The following SNAP91 variants were observed in gnomAD, a reference collection of about 807,000 sequenced individuals.
The protein encoded by SNAP91 is synaptosome associated protein 91.
SNAP91 carries 27 observed loss-of-function variants against 100.3 expected under a neutral mutation model. The ratio of observed to expected loss-of-function variants is 0.27; its 90% confidence interval spans 0.20 to 0.37. The LOEUF is 0.37. SNAP91 is among the 10% of genes least tolerant of loss of function. The pLI is 1.00. For missense variants in SNAP91, 986 were observed against 1,123.7 expected, an observed-to-expected ratio of 0.88 and a Z score of 1.75; for synonymous variants, 404 against 398.6, an observed-to-expected ratio of 1.01 and a Z score of -0.16.
Position 83,601,389 on chromosome 6 carries a change from A to T in SNAP91, c.1206T>A (p.Asp402Glu). 1 of 1,613,616 alleles carries T rather than the reference A, an allele frequency of 6.2e-7. No individual in the cohort carries two copies. The highest frequency in any genetic ancestry group is 1.1e-5 in the South Asian group (1 of 91,044). The stretch of plus-strand genomic sequence containing the variant: ...GAGGGGTAGGTTCTGGTGCAAATGG[A>T]TCTGAAATCTGTGCTTCAGAGGGAA... Reference protein sequence around the residue: ...SSVPSEAQISDPFAPEPTPPT... With the variant: ...SSVPSEAQISEPFAPEPTPPT... Residue 402 changes from aspartate to glutamate, a missense_variant, in exon 16 of 30, where the codon GAT (aspartate) becomes GAA (glutamate). Transcript: ENST00000369694.
At chr6:83,586,064 G>A (rs1205056176) in intron 22 of SNAP91, among the ~76,000 whole-genome samples, 1 of 151,976 alleles carries the variant, frequency 6.6e-6, no homozygotes, top group African/African-American at 2.4e-5. Context: ...TGGCCAGGAT[G>A]GTCTCGATCT....
intron 14 of SNAP91, among the ~76,000 whole-genome samples, chr6:83,603,485 C>A (rs961157824): frequency 1.3e-5 from 2 of 152,014 alleles, no homozygotes; most frequent in African/African-American, 4.8e-5. Flanking sequence ...TCATCTCAGC[C>A]TCCTCAGAAG....
intron 7 of SNAP91, among the ~76,000 whole-genome samples, chr6:83,650,792 T>A (rs2098169192): frequency 6.6e-6 from 1 of 152,206 alleles, no homozygotes; most frequent in African/African-American, 2.4e-5. Flanking sequence ...TTAAGAAGAA[T>A]CTTCTCTATT....
intron 2 of SNAP91, among the ~76,000 whole-genome samples, chr6:83,682,686 A>C (rs2099007025): frequency 6.6e-6 from 1 of 151,006 alleles, no homozygotes; most frequent in African/African-American, 2.4e-5. Context: ...GCACCCATTA[A>C]CTCGTCATTT....
chr6:83,610,714 T>A (rs759523357), intron 11 of SNAP91, 37 bp from the exon 12 acceptor site: 6 of 131,450 alleles, frequency 4.6e-5, no homozygotes, highest in East Asian at 3.1e-4. Flanking sequence ...AAACTGAATA[T>A]ATATATATAT....
At chr6:83,612,198 T>C (rs1281079753) in intron 11 of SNAP91, among the ~76,000 whole-genome samples, 3 of 152,158 alleles carry the variant, frequency 2.0e-5, no homozygotes, top group Non-Finnish European at 4.4e-5. Flanking sequence ...CTAAATGTTA[T>C]CTTAAGAGTA....
At chr6:83,614,589 CT>C (rs2128337095) in intron 11 of SNAP91, among the ~76,000 whole-genome samples, 1 of 152,004 alleles carries the variant, frequency 6.6e-6, no homozygotes, top group South Asian at 2.1e-4. Flanking sequence ...TATTTCATTT[CT>C]AAAATCTGAG....
At position 83,580,075 on chromosome 6, in the gene SNAP91, T is replaced by C. The variant is rs139124003; in HGVS notation, c.2299+375A>G. On this transcript the variant is annotated intron_variant, in intron 24 of 29. Transcript: ENST00000369694. ...AACAAATGACTGAAACTCAGTTGGA[T>C]ACTCAATTTATAAAGATACTATACT... is the stretch of plus-strand genomic sequence containing the variant. Among the ~76,000 whole-genome samples the C allele has an allele frequency of 3.3e-5, 5 of 152,308 alleles. No homozygotes were observed. The East Asian group carries it at 9.6e-4, about 29-fold the overall frequency.
chr6:83,605,846 A>G (rs916183857), intron 13 of SNAP91, 43 bp from the exon 14 acceptor site: 4 of 1,472,290 alleles, frequency 2.7e-6, no homozygotes, highest in South Asian at 1.3e-5. Context: ...TTGAAATTTT[A>G]TAACATAAAG....
intron 5 of SNAP91, among the ~76,000 whole-genome samples, chr6:83,659,713 T>C (rs2128726329): frequency 6.6e-6 from 1 of 152,262 alleles, no homozygotes. Context: ...ACTATAGCCA[T>C]GAGCCACTTT....
rs1310699419 is a variant in SNAP91, at chr6:83,556,158, A to G, written c.2719T>C (p.Leu907=). 1.3e-6 allele frequency: 2 copies of G among 1,555,306 alleles called. No individual in the cohort carries two copies. Among genetic ancestry groups the G allele is most frequent in the Non-Finnish European group, 1.7e-6 (2 of 1,147,214 alleles). ...PLADLNIKDF[L] ...TATTAGATACCTTAAATTGTTTACA[A>G]GAAATCCTTGATGTTAAGATCCGCT... The change falls in exon 29 of 30, where the codon TTG becomes CTG. Residue 907 remains leucine (L), a synonymous_variant. Transcript: ENST00000369694.
At chr6:83,554,752 A>G (rs894016551) in intron 29 of SNAP91, among the ~76,000 whole-genome samples, 8 of 152,160 alleles carry the variant, frequency 5.3e-5, no homozygotes, top group Non-Finnish European at 1.0e-4. Flanking sequence ...GAGAACAGAG[A>G]GATCCCTGGC....
rs1204943559 is a variant in SNAP91, at chr6:83,576,065, T to A, written c.2300-12A>T. 1 of 1,309,516 alleles carries A rather than the reference T, an allele frequency of 7.6e-7. No individual in the cohort carries two copies. The highest frequency in any genetic ancestry group is 1.1e-6 in the Non-Finnish European group (1 of 946,728). 81.1% of individuals were successfully genotyped at this position (1,309,516 alleles called of 1,614,324 possible). A position where few individuals can be genotyped will look rare whatever the true frequency, so the allele number is the denominator to read the frequency against. On this transcript the variant is annotated splice_polypyrimidine_tract_variant and intron_variant, in intron 24 of 29. Transcript: ENST00000369694. Reference sequence around the variant, plus strand: ...AGAAATTCCAAGATCTATAAATGGATAAAAGAAAAAAGAATGTAAATCTCT... The same window carrying A: ...AGAAATTCCAAGATCTATAAATGGAAAAAAGAAAAAAGAATGTAAATCTCT...
intron 8 of SNAP91, among the ~76,000 whole-genome samples, chr6:83,628,630 A>C (rs1402819692): frequency 6.6e-6 from 1 of 151,890 alleles, no homozygotes; most frequent in Non-Finnish European, 1.5e-5. Flanking sequence ...AGTGATGTTA[A>C]GCATTTTTTC....
chr6:83,679,737 C>A (rs1485025994), intron 2 of SNAP91, among the ~76,000 whole-genome samples: 2 of 152,138 alleles, frequency 1.3e-5, no homozygotes, highest in Non-Finnish European at 2.9e-5. Flanking sequence ...AACACTGTAA[C>A]AACGATTAGT....
chr6:83,654,726 C>T (rs915541966), intron 7 of SNAP91, among the ~76,000 whole-genome samples: 2 of 152,080 alleles, frequency 1.3e-5, no homozygotes, highest in Admixed American at 6.6e-5. Flanking sequence ...TCAGTATACT[C>T]GCATATTTGT....
intron 8 of SNAP91, among the ~76,000 whole-genome samples, chr6:83,631,956 G>T (rs2097222531): frequency 6.6e-6 from 1 of 151,988 alleles, no homozygotes; most frequent in Admixed American, 6.6e-5. Context: ...TGAGATTTAT[G>T]CTTTACAGAG....
chr6:83,670,773 G>C (rs1118543), intron 2 of SNAP91, among the ~76,000 whole-genome samples: 49,128 of 151,620 alleles, frequency 0.32, 8,258 homozygotes, highest in East Asian at 0.53. Flanking sequence ...TCTTTCTCCA[G>C]TGAATTGCCT....
In SNAP91 at chr6:83,565,305, T is replaced by C. The variant is rs551671969; in HGVS notation, c.2443-4358A>G. ...AGATAACTTGAGACCCTAATCAGCC[T>C]GAGAGGGCATCAGAACAAAATGCAA... On this transcript the variant is annotated intron_variant, in intron 26 of 29. Coordinates refer to ENST00000369694, the MANE Select transcript of SNAP91 (RefSeq NM_001242792.2). 8.1e-4 allele frequency among the ~76,000 whole-genome samples: 123 copies of C among 152,240 alleles called. 3 individuals carry two copies. The South Asian group carries it at 0.014, about 17-fold the overall frequency.
Sources: allele counts gnomAD v4.1 joint callset (sites outside exome capture counted in the v4.1 genomes callset), GRCh38; gene constraint gnomAD v4.1.1; transcripts MANE v1.5; gene names NCBI Gene and HGNC (gene_info 2026-07-23, HGNC 2026-07-21).